Variants in BRINP3 observed in about 807,000 individuals in gnomAD.
BRINP3 encodes BMP/retinoic acid inducible neural specific 3, also known as BMP/retinoic acid-inducible neural-specific protein 3.
Under a neutral mutation model 71.0 loss-of-function variants are expected in BRINP3, and 19 were observed. The observed-to-expected ratio is 0.27, with a 90% CI of 0.19 to 0.39. The LOEUF (loss-of-function observed/expected upper bound fraction) is 0.39, where lower values mean the gene tolerates loss of function less well. Among genes scored for constraint, BRINP3 ranks in the 10% least tolerant of loss-of-function variants. The pLI is 1.00. For synonymous variants in BRINP3, 380 were observed against 337.7 expected (o/e 1.13, Z -1.37); for missense variants, 959 against 940.8 (o/e 1.02, Z -0.25).
intron 4 of BRINP3, among the ~76,000 whole-genome samples, chr1:190,260,079 A>AT (rs1661048859): frequency 6.8e-6 from 1 of 146,980 alleles, no homozygotes; most frequent in Non-Finnish European, 1.5e-5. Context: ...ACAAAAAAAA[A>AT]AAAGAAAAAG....
chr1:190,366,246 T>C (rs2102157816), intron 2 of BRINP3, among the ~76,000 whole-genome samples: 1 of 152,194 alleles, frequency 6.6e-6, no homozygotes, highest in Admixed American at 6.6e-5. Flanking sequence ...CTCAGGAAAC[T>C]GTCATGGCAG....
intron 2 of BRINP3, among the ~76,000 whole-genome samples, chr1:190,419,690 T>TACACACACACACAC (rs5779528): frequency 1.0e-4 from 15 of 148,458 alleles, no homozygotes; most frequent in African/African-American, 3.7e-4. Context: ...TATACATTTA[T>TACACACACACACAC]ACACACACAC....
chr1:190,256,710 G>T (rs1187655297), intron 4 of BRINP3, among the ~76,000 whole-genome samples: 5 of 152,058 alleles, frequency 3.3e-5, no homozygotes, highest in African/African-American at 1.2e-4. Flanking sequence ...CCATTTGCTT[G>T]TCTGTAAATG....
chr1:190,355,827 T>A (rs576889275), intron 2 of BRINP3, among the ~76,000 whole-genome samples: 8 of 152,044 alleles, frequency 5.3e-5, no homozygotes, highest in African/African-American at 1.9e-4. Context: ...TTTATAGAAC[T>A]GACTTGACTC....
intron 1 of BRINP3, among the ~76,000 whole-genome samples, chr1:190,463,838 T>C (rs1007025803): frequency 1.3e-5 from 2 of 151,928 alleles, no homozygotes; most frequent in African/African-American, 2.4e-5. Context: ...AATGAATTTT[T>C]AGATAGCCAG....
intron 3 of BRINP3, among the ~76,000 whole-genome samples, chr1:190,278,091 A>G (rs1053098573): frequency 2.6e-5 from 4 of 151,730 alleles, no homozygotes; most frequent in African/African-American, 9.7e-5. Flanking sequence ...ATAATATGAT[A>G]TACTAAATAA....
At chr1:190,356,550 T>C (rs922442643) in intron 2 of BRINP3, among the ~76,000 whole-genome samples, 4 of 151,970 alleles carry the variant, frequency 2.6e-5, no homozygotes, top group Non-Finnish European at 5.9e-5. Context: ...GATAGCATCA[T>C]CAACTGCACT....
At chr1:190,105,347 T>G (rs1652060917) in intron 7 of BRINP3, among the ~76,000 whole-genome samples, 1 of 152,190 alleles carries the variant, frequency 6.6e-6, no homozygotes, top group African/African-American at 2.4e-5. Flanking sequence ...AATTATCTAC[T>G]AATAATTTTG....
rs529677308 is a variant in BRINP3, at chr1:190,449,085, T to A, written c.236+5570A>T. Among the ~76,000 whole-genome samples, 261 of 152,146 alleles carry A rather than the reference T, an allele frequency of 1.7e-3. 3 individuals carry two copies. The highest frequency in any genetic ancestry group is 2.5e-3 in the South Asian group (12 of 4,828). ...AACCTGGGTCACTTAAACTTAATAG[T>A]TCTCTTTATTGTTAAATACTGTCTC... is the stretch of plus-strand genomic sequence containing the variant. On this transcript the variant is annotated intron_variant, in intron 2 of 7. Transcript: ENST00000367462.
At position 190,454,766 on chromosome 1, in the gene BRINP3, C is replaced by T. The variant is rs775024077; in HGVS notation, c.125G>A (p.Ser42Asn). The T allele has an allele frequency of 1.2e-5, 20 of 1,614,166 alleles. No homozygotes were observed. Among genetic ancestry groups the T allele is most frequent in the South Asian group, 7.7e-5 (7 of 91,086 alleles). The part of the protein sequence containing the change: ...VAAVSDQHAT[S>N]PFDWLLSDKG... Reference sequence around the variant, plus strand: ...ATCAGAGAGGAGCCAGTCGAAGGGGCTTGTGGCATGCTGATCCGAAACAGC... The same window carrying T: ...ATCAGAGAGGAGCCAGTCGAAGGGGTTTGTGGCATGCTGATCCGAAACAGC... Residue 42 changes from serine (S) to asparagine (N), a missense_variant, in exon 2 of 8, where the codon AGC (serine) becomes AAC (asparagine). Ser to Asn is a conservative substitution (Grantham distance 46). Transcript: ENST00000367462.
intron 2 of BRINP3, among the ~76,000 whole-genome samples, chr1:190,384,330 A>C (rs1356057819): frequency 6.6e-6 from 1 of 151,824 alleles, no homozygotes; most frequent in Non-Finnish European, 1.5e-5. Flanking sequence ...AATCTAAGAC[A>C]TACATTTTGC....
chr1:190,134,140 A>G (rs1462166668), intron 7 of BRINP3, among the ~76,000 whole-genome samples: 1 of 152,098 alleles, frequency 6.6e-6, no homozygotes, highest in Non-Finnish European at 1.5e-5. Context: ...TAAGGGTGTG[A>G]CATGATACAT....
chr1:190,405,450 CAAAAAAAAAAA>C (rs1334402738), intron 2 of BRINP3, among the ~76,000 whole-genome samples: 2 of 39,134 alleles, frequency 5.1e-5, no homozygotes, highest in Non-Finnish European at 4.1e-5. Flanking sequence ...GACTCCGTCT[CAAAAAAAAAAA>C]AAAAAAAAAA....
Position 190,152,533 on chromosome 1 carries a change from C to G in BRINP3, c.1184+8135G>C, listed in dbSNP as rs1045436629. ...ATATCGCCACAGAATCTCCCCCAAC[C>G]CCCCCCCCGCCCCCCAAAAAAGCAA... is the stretch of plus-strand genomic sequence containing the variant. On this transcript the variant is annotated intron_variant, in intron 7 of 7. Transcript: ENST00000367462. Among the ~76,000 whole-genome samples the G allele has an allele frequency of 1.0e-3, 21 of 20,840 alleles. No individual in the cohort carries two copies. In the African/African-American group the frequency reaches 0.011, roughly 11 times the overall value. The allele number at this position is 20,840 out of a possible 152,430, so 13.7% of individuals were successfully genotyped here.
At chr1:190,288,358 C>G (rs943990071) in intron 2 of BRINP3, among the ~76,000 whole-genome samples, 4 of 151,840 alleles carry the variant, frequency 2.6e-5, no homozygotes, top group African/African-American at 9.7e-5. Context: ...TTTATACTTA[C>G]AGAAGTAATT....
In BRINP3 at chr1:190,098,279, A is replaced by G. The variant is rs769960055; in HGVS notation, c.2040T>C (p.Ile680=). 6.2e-6 allele frequency: 10 copies of G among 1,614,056 alleles called. No homozygotes were observed. In the Admixed American group the frequency reaches 1.7e-4, roughly 27 times the overall value. Residue 680 remains isoleucine (I), a synonymous_variant, in exon 8 of 8, where the codon ATT becomes ATC. Transcript: ENST00000367462. ...AGTCCAGCTGCAAAATCAGGTCCCG[A>G]ATTGCTTCAGGGTCAAAGTGCATGC... ...GYSMHFDPEA[I]RDLILQLDYP...
intron 7 of BRINP3, among the ~76,000 whole-genome samples, chr1:190,105,885 A>G (rs1450667954): frequency 2.6e-5 from 4 of 152,062 alleles, no homozygotes; most frequent in Admixed American, 2.6e-4. Flanking sequence ...AACATGAGTC[A>G]CACAAAGATA....
intron 7 of BRINP3, among the ~76,000 whole-genome samples, chr1:190,130,370 T>C (rs1048830783): frequency 6.6e-6 from 1 of 152,074 alleles, no homozygotes; most frequent in Admixed American, 6.6e-5. Context: ...TGTTTTTACT[T>C]ACTCTTATAA....
intron 2 of BRINP3, among the ~76,000 whole-genome samples, chr1:190,379,090 CT>C (rs1670356168): frequency 6.6e-6 from 1 of 152,090 alleles, no homozygotes; most frequent in Non-Finnish European, 1.5e-5. Flanking sequence ...ATAAAAATAA[CT>C]TTAAGTACAA....
Sources: allele counts gnomAD v4.1 joint callset (sites outside exome capture counted in the v4.1 genomes callset), GRCh38; gene constraint gnomAD v4.1.1; transcripts MANE v1.5; gene names NCBI Gene and HGNC (gene_info 2026-07-23, HGNC 2026-07-21).